WWOX: variants seen among roughly 807,000 people sequenced by gnomAD.
WWOX encodes the protein WW domain-containing oxidoreductase.
Under a neutral mutation model 46.2 loss-of-function variants are expected in WWOX, and 69 were observed. The observed-to-expected ratio is 1.49, with a 90% CI of 1.23 to 1.82. The LOEUF is 1.82. Ranked by LOEUF, WWOX falls within the 40% of genes most tolerant of loss-of-function variation. The pLI is 0.00. For synonymous variants in WWOX, 359 were observed against 202.6 expected (o/e 1.77, Z -6.56); for missense variants, 919 against 542.6 (o/e 1.69, Z -6.89).
At chr16:78,754,366 T>G (rs1043767492) in intron 8 of WWOX, among the ~76,000 whole-genome samples, 1 of 152,146 alleles carries the variant, frequency 6.6e-6, no homozygotes, top group African/African-American at 2.4e-5. Context: ...TACCTGTGTC[T>G]TATTATTGAA....
intron 8 of WWOX, among the ~76,000 whole-genome samples, chr16:78,512,987 T>C (rs1361814488): frequency 5.3e-5 from 8 of 152,198 alleles, no homozygotes; most frequent in Non-Finnish European, 1.2e-4. Context: ...AGCTGCTGCT[T>C]TGCACATTTA....
intron 8 of WWOX, among the ~76,000 whole-genome samples, chr16:78,863,694 G>A (rs1329315685): frequency 1.3e-5 from 2 of 152,172 alleles, no homozygotes; most frequent in African/African-American, 4.8e-5. Flanking sequence ...AGTGCTCAGT[G>A]GGTATCTGTT....
At chr16:79,003,737 G>A (rs559465539) in intron 8 of WWOX, among the ~76,000 whole-genome samples, 1 of 152,292 alleles carries the variant, frequency 6.6e-6, no homozygotes, top group South Asian at 2.1e-4. Context: ...TAGGGCAGCT[G>A]TTTCAGCTAC....
intron 8 of WWOX, among the ~76,000 whole-genome samples, chr16:78,696,532 C>G (rs760457236): frequency 2.4e-4 from 36 of 152,200 alleles, no homozygotes; most frequent in Non-Finnish European, 4.1e-4. Context: ...CAATGCTAGG[C>G]CACAGCAGCG....
intron 8 of WWOX, among the ~76,000 whole-genome samples, chr16:78,800,703 G>A (rs2050863514): frequency 6.6e-6 from 1 of 152,252 alleles, no homozygotes; most frequent in Non-Finnish European, 1.5e-5. Flanking sequence ...CTGACTTCAG[G>A]CCTCTTTTCA....
rs569364207 is a variant in WWOX, at chr16:78,539,033, A to G, written c.1056+106281A>G. Among the ~76,000 whole-genome samples the G allele has an allele frequency of 9.2e-5, 14 of 152,348 alleles. No homozygotes were observed. In the South Asian group the frequency reaches 2.9e-3, roughly 32 times the overall value. On this transcript the variant is annotated intron_variant, in intron 8 of 8. Transcript: ENST00000566780. ...GTCTTGGTAAGGAAGCAATTCAGAGAACATGGAAGCATCTCATGGCAGCAG... is the reference window on the plus strand; with the variant it reads ...GTCTTGGTAAGGAAGCAATTCAGAGGACATGGAAGCATCTCATGGCAGCAG...
intron 8 of WWOX, among the ~76,000 whole-genome samples, chr16:79,033,236 G>A (rs986582434): frequency 1.4e-5 from 2 of 146,634 alleles, no homozygotes; most frequent in Non-Finnish European, 3.0e-5. Context: ...GTAAAACAAA[G>A]TCTATAAAAA....
Position 78,431,910 on chromosome 16 carries a change from C to T in WWOX, c.792-578C>T, listed in dbSNP as rs140128150. Among the ~76,000 whole-genome samples the T allele has an allele frequency of 1.4e-4, 21 of 152,080 alleles. No homozygotes were observed. The East Asian group carries it at 4.1e-3, about 29-fold the overall frequency. ...TGTTTATTTTTTGTAGACATGGTGT[C>T]TCCCTATGTTGCCTAAGCTGGTCTT... On this transcript the variant is annotated intron_variant, in intron 7 of 8. Transcript: ENST00000566780.
chr16:78,697,774 A>AT (rs970540539), intron 8 of WWOX, among the ~76,000 whole-genome samples: 6 of 152,126 alleles, frequency 3.9e-5, no homozygotes, highest in Non-Finnish European at 7.3e-5. Context: ...ATCTTATGGT[A>AT]TTTTCAACTC....
At chr16:78,313,327 C>G (rs1284188747) in intron 5 of WWOX, among the ~76,000 whole-genome samples, 1 of 152,168 alleles carries the variant, frequency 6.6e-6, no homozygotes, top group Non-Finnish European at 1.5e-5. Context: ...CTGAACAGTG[C>G]TGGCTTATAG....
chr16:78,364,084 C>T (rs1445249969), intron 5 of WWOX, among the ~76,000 whole-genome samples: 1 of 152,212 alleles, frequency 6.6e-6, no homozygotes, highest in African/African-American at 2.4e-5. Flanking sequence ...AAGGTTCCTT[C>T]AGAGCTAGTG....
chr16:78,339,426 G>T (rs2080965679), intron 5 of WWOX, among the ~76,000 whole-genome samples: 1 of 115,556 alleles, frequency 8.7e-6, no homozygotes, highest in African/African-American at 2.9e-5. Flanking sequence ...TGGGGTTGTT[G>T]TCCTTTTTGC....
chr16:78,958,593 G>T (rs1299139466), intron 8 of WWOX, among the ~76,000 whole-genome samples: 2 of 152,198 alleles, frequency 1.3e-5, no homozygotes, highest in Admixed American at 1.3e-4. Context: ...TAACAGTGCT[G>T]CCCCTCTCTC....
chr16:79,033,834 G>T (rs1194358250), intron 8 of WWOX, among the ~76,000 whole-genome samples: 1 of 152,168 alleles, frequency 6.6e-6, no homozygotes, highest in African/African-American at 2.4e-5. Context: ...GTTCTTTTGT[G>T]GCTGACTTAT....
At chr16:78,797,690 G>T (rs6564588) in intron 8 of WWOX, among the ~76,000 whole-genome samples, 139,851 of 152,228 alleles carry the variant, frequency 0.92, 64,419 homozygotes, top group Non-Finnish European at 0.95. Flanking sequence ...AAATCTCCAG[G>T]CAAAAATCCA....
intron 8 of WWOX, among the ~76,000 whole-genome samples, chr16:78,620,389 C>T (rs374311154): frequency 3.3e-5 from 5 of 152,094 alleles, no homozygotes; most frequent in Non-Finnish European, 7.4e-5. Flanking sequence ...CCAACAGACT[C>T]GTGTAGAAGT....
chr16:78,597,923 C>T (rs1167267147), intron 8 of WWOX, among the ~76,000 whole-genome samples: 1 of 151,920 alleles, frequency 6.6e-6, no homozygotes, highest in African/African-American at 2.4e-5. Context: ...TGTAAAACTA[C>T]TGAGTTATGT....
intron 8 of WWOX, among the ~76,000 whole-genome samples, chr16:78,685,187 G>T (rs566999166): frequency 5.9e-5 from 9 of 152,164 alleles, no homozygotes; most frequent in African/African-American, 1.4e-4. Context: ...GGAGAGATCT[G>T]TGAGGTCATC....
chr16:79,072,108 C>G (rs1250804823), intron 8 of WWOX, among the ~76,000 whole-genome samples: 1 of 152,052 alleles, frequency 6.6e-6, no homozygotes, highest in Non-Finnish European at 1.5e-5. Flanking sequence ...AACAGTGAGA[C>G]TCCATCTCTA....
Sources: gnomAD v4.1 joint callset for allele counts (sites outside exome capture counted in the v4.1 genomes callset) on GRCh38, gnomAD v4.1.1 for gene constraint, MANE v1.5 for transcripts, NCBI Gene and HGNC (gene_info 2026-07-23, HGNC 2026-07-21) for gene names.